The following TMEM178B variants were observed in gnomAD, a reference collection of about 807,000 sequenced individuals.
TMEM178B encodes transmembrane protein 178B.
Under a neutral mutation model 31.0 loss-of-function variants are expected in TMEM178B, and 5 were observed. The observed-to-expected ratio is 0.16, with a 90% CI of 0.08 to 0.34. The LOEUF is 0.34. Ranked by LOEUF, TMEM178B falls within the 10% of genes least tolerant of loss-of-function variation. The pLI is 1.00. For missense variants in TMEM178B, 275 were observed against 400.3 expected (o/e 0.69, Z 2.67); for synonymous variants, 164 against 164.0 (o/e 1.00, Z 0.00).
At chr7:141,299,171 G>A (rs1798683732) in intron 2 of TMEM178B, among the ~76,000 whole-genome samples, 1 of 152,038 alleles carries the variant, frequency 6.6e-6, no homozygotes, top group South Asian at 2.1e-4. Context: ...TAGAAACCAA[G>A]CCAGTTTCTT....
At position 141,432,799 on chromosome 7, in the gene TMEM178B, C is replaced by T. The variant is rs77032976; in HGVS notation, c.497-4809C>T. ...TTTCTCAGATATATGAAGATGGTTA[C>T]TTGTCTGCTCATGTTGAAAAATGCC... On this transcript the variant is annotated intron_variant, in intron 2 of 3. Coordinates refer to ENST00000565468, the MANE Select transcript of TMEM178B (RefSeq NM_001195278.2). 7.9e-5 allele frequency among the ~76,000 whole-genome samples: 12 copies of T among 152,240 alleles called. No homozygotes were observed. In the East Asian group the frequency reaches 2.3e-3, roughly 29 times the overall value.
the TMEM178B span, among the ~76,000 whole-genome samples, chr7:141,510,340 T>C: frequency 2.0e-4 from 30 of 152,166 alleles, no homozygotes; most frequent in South Asian, 4.2e-4. Flanking sequence ...GGAGACCCTA[T>C]GAGCAAGAAG....
rs115885891 is a variant in TMEM178B, at chr7:141,345,129, A to G, written c.497-92479A>G. Reference sequence around the variant, plus strand: ...ACAGATATATTTCATATATATTGCTACTTTGCTTGGGATACCCCCAACTCT... The same window carrying G: ...ACAGATATATTTCATATATATTGCTGCTTTGCTTGGGATACCCCCAACTCT... On this transcript the variant is annotated intron_variant, in intron 2 of 3. Transcript: ENST00000565468. Among the ~76,000 whole-genome samples the G allele has an allele frequency of 4.8e-3, 727 of 152,340 alleles. 8 individuals are homozygous for G. The highest frequency in any genetic ancestry group is 0.016 in the African/African-American group (682 of 41,584).
In TMEM178B at chr7:141,351,801, A is replaced by T. The variant is rs992552121; in HGVS notation, c.497-85807A>T. On this transcript the variant is annotated intron_variant, in intron 2 of 3. Coordinates refer to ENST00000565468, the MANE Select transcript of TMEM178B (RefSeq NM_001195278.2). ...CCCCCCAACTTCAGATCACTGAACC[A>T]GGTATTTTTTAGAGATAAGAAATGA... Among the ~76,000 whole-genome samples the T allele has an allele frequency of 2.6e-5, 4 of 152,350 alleles. No individual in the cohort carries two copies. The East Asian group carries it at 7.7e-4, about 29-fold the overall frequency.
chr7:141,323,320 T>C (rs1799133191), intron 2 of TMEM178B, among the ~76,000 whole-genome samples: 1 of 152,248 alleles, frequency 6.6e-6, no homozygotes, highest in African/African-American at 2.4e-5. Context: ...GGTACACAAA[T>C]ACATGTACAT....
At chr7:141,491,406 C>T in the TMEM178B span, among the ~76,000 whole-genome samples, 365 of 152,274 alleles carry the variant, frequency 2.4e-3, 1 homozygote, top group African/African-American at 8.5e-3. Flanking sequence ...AATCCTTAAA[C>T]ATCTTTAAAT....
At chr7:141,388,093 G>A (rs1800467943) in intron 2 of TMEM178B, among the ~76,000 whole-genome samples, 1 of 152,204 alleles carries the variant, frequency 6.6e-6, no homozygotes, top group African/African-American at 2.4e-5. Context: ...TATACGACAT[G>A]TCTGTCAGTG....
chr7:141,402,696 T>G (rs867006693), intron 2 of TMEM178B, among the ~76,000 whole-genome samples: 2 of 152,174 alleles, frequency 1.3e-5, no homozygotes, highest in African/African-American at 4.8e-5. Flanking sequence ...GAGATAGATG[T>G]TGTAACTTTG....
At chr7:141,173,466 G>A (rs1796379545) in intron 1 of TMEM178B, among the ~76,000 whole-genome samples, 1 of 152,188 alleles carries the variant, frequency 6.6e-6, no homozygotes, top group East Asian at 1.9e-4. Context: ...GCTTCACTGA[G>A]GCGGGAGTAT....
chr7:141,467,988 A>G (rs76486196), intron 3 of TMEM178B, among the ~76,000 whole-genome samples: 1 of 151,054 alleles, frequency 6.6e-6, no homozygotes, highest in Admixed American at 6.6e-5. Flanking sequence ...AAAAAAAAAA[A>G]GCAAAACAAC....
chr7:141,196,962 T>C (rs868235029), intron 1 of TMEM178B, among the ~76,000 whole-genome samples: 3 of 152,106 alleles, frequency 2.0e-5, no homozygotes, highest in South Asian at 2.1e-4. Flanking sequence ...AGAAAGAAAC[T>C]GAGGTCAGTA....
the TMEM178B span, among the ~76,000 whole-genome samples, chr7:141,486,797 A>G: frequency 6.6e-6 from 1 of 152,202 alleles, no homozygotes; most frequent in Non-Finnish European, 1.5e-5. Context: ...AGTTGCTGAC[A>G]GTGTCATGTG....
At chr7:141,510,702 AAAAAAAAAAAG>A in the TMEM178B span, among the ~76,000 whole-genome samples, 93 of 143,902 alleles carry the variant, frequency 6.5e-4, no homozygotes, top group African/African-American at 2.3e-3. Context: ...AAAAAAAAAA[AAAAAAAAAAAG>A]AAAAAAAAAG....
At chr7:141,237,449 A>G (rs1316945156) in intron 2 of TMEM178B, among the ~76,000 whole-genome samples, 1 of 152,250 alleles carries the variant, frequency 6.6e-6, no homozygotes, top group African/African-American at 2.4e-5. Context: ...ACATAAAGAA[A>G]TGCTTGCATA....
intron 2 of TMEM178B, among the ~76,000 whole-genome samples, chr7:141,434,573 G>C (rs1407072061): frequency 6.6e-6 from 1 of 152,184 alleles, no homozygotes; most frequent in Non-Finnish European, 1.5e-5. Context: ...TAATGATCAA[G>C]TCGGGATATT....
intron 1 of TMEM178B, among the ~76,000 whole-genome samples, chr7:141,104,342 A>G (rs1360516606): frequency 3.3e-5 from 5 of 152,202 alleles, no homozygotes; most frequent in Non-Finnish European, 5.9e-5. Context: ...AGCTCTAGAA[A>G]ACATTCTACT....
In TMEM178B at chr7:141,471,340, T is replaced by C. The variant is rs562328330; in HGVS notation, c.*554T>C. The stretch of plus-strand genomic sequence containing the variant: ...AAAACAAACTGAGAAGGACGTTTTC[T>C]CTTTGCTGCCAAACTTTTGGACCAT... On this transcript the variant is annotated 3_prime_UTR_variant, in exon 4 of 4. Coordinates refer to ENST00000565468, the MANE Select transcript of TMEM178B (RefSeq NM_001195278.2). This position sits in a 1 kb window ranked among gnomAD's most constrained non-coding sequence, Gnocchi z 4.1. The C allele has an allele frequency of 3.3e-5, 5 of 152,314 alleles. No homozygotes were observed. The highest frequency in any genetic ancestry group is 6.5e-5 in the Admixed American group (1 of 15,300). 9.4% of individuals were successfully genotyped at this position (152,314 alleles called of 1,614,324 possible).
intron 2 of TMEM178B, among the ~76,000 whole-genome samples, chr7:141,282,330 A>G (rs992953945): frequency 5.3e-5 from 8 of 152,208 alleles, no homozygotes; most frequent in African/African-American, 1.9e-4. Context: ...ACAGTTTTGA[A>G]GCATCCACTG....
At chr7:141,345,170 A>G (rs1265084585) in intron 2 of TMEM178B, among the ~76,000 whole-genome samples, 2 of 152,188 alleles carry the variant, frequency 1.3e-5, no homozygotes, top group East Asian at 1.9e-4. Flanking sequence ...TTCCATTTAT[A>G]TATTGAAGAG....
Sources: gnomAD v4.1 joint callset for allele counts (sites outside exome capture counted in the v4.1 genomes callset) on GRCh38, gnomAD v4.1.1 for gene constraint, Gnocchi (gnomAD v3.1) non-coding constraint, MANE v1.5 for transcripts, NCBI Gene and HGNC (gene_info 2026-07-23, HGNC 2026-07-21) for gene names.